The following NCK1 variants were observed in gnomAD, a reference collection of about 807,000 sequenced individuals.
NCK1 encodes NCK adaptor protein 1, also known as SH2/SH3 adapter protein NCK1.
NCK1 carries 19 observed loss-of-function variants against 36.6 expected under a neutral mutation model. That is an observed-to-expected ratio of 0.52 (90% CI 0.36 to 0.76). The LOEUF is 0.76. Ranked by LOEUF, NCK1 falls within the 30% of genes least tolerant of loss-of-function variation. The probability of loss-of-function intolerance (pLI) is 0.00; values close to 1 mark genes in which losing one functional copy is unlikely to be tolerated. For missense variants in NCK1, 358 were observed against 445.6 expected (o/e 0.80, Z 1.77); for synonymous variants, 165 against 156.0 (o/e 1.06, Z -0.43).
chr3:136,905,007 CTTTTTTTTTT>C (rs71304270), intron 1 of NCK1, among the ~76,000 whole-genome samples: 1 of 128,330 alleles, frequency 7.8e-6, no homozygotes, highest in Non-Finnish European at 1.6e-5. Context: ...TTGGTTTTTC[CTTTTTTTTTT>C]TTTTTTTCTT....
chr3:136,865,632 T>C (rs1218400709), intron 1 of NCK1, among the ~76,000 whole-genome samples: 1 of 152,224 alleles, frequency 6.6e-6, no homozygotes, highest in Non-Finnish European at 1.5e-5. Context: ...GTTCTTTATC[T>C]GCACTAGAAA....
At chr3:136,943,537 C>A (rs1448868682) in intron 2 of NCK1, among the ~76,000 whole-genome samples, 1 of 152,174 alleles carries the variant, frequency 6.6e-6, no homozygotes, top group African/African-American at 2.4e-5. Flanking sequence ...GTATGATTTC[C>A]TTGGAATAGA....
Position 136,927,996 on chromosome 3 carries a change from TGAAA to T in NCK1, c.-3_1del, listed in dbSNP as rs1441765188. On this transcript the variant is annotated 5_prime_UTR_variant, in exon 2 of 4. Coordinates refer to ENST00000481752, the MANE Select transcript of NCK1 (RefSeq NM_001291999.2). ...CATGTGTTTACAGTGCTGAAGCTGC[TGAAA>T]GATGGCAGAAGAAGTGGTGGTAGTA... 1 of 1,605,916 alleles carries T rather than the reference TGAAA, an allele frequency of 6.2e-7. No individual in the cohort carries two copies.
intron 1 of NCK1, among the ~76,000 whole-genome samples, chr3:136,921,862 C>T (rs1214961998): frequency 6.6e-6 from 1 of 152,248 alleles, no homozygotes; most frequent in Admixed American, 6.5e-5. Flanking sequence ...CAGCTCACTG[C>T]AGTCTCCGCC....
At chr3:136,905,253 C>G (rs952120631) in intron 1 of NCK1, among the ~76,000 whole-genome samples, 4 of 152,082 alleles carry the variant, frequency 2.6e-5, no homozygotes, top group Non-Finnish European at 2.9e-5. Flanking sequence ...AACTCCTGAC[C>G]TCCAGTGATT....
intron 1 of NCK1, among the ~76,000 whole-genome samples, chr3:136,868,194 G>A (rs1377954774): frequency 6.6e-6 from 1 of 152,104 alleles, no homozygotes; most frequent in African/African-American, 2.4e-5. Flanking sequence ...GGAATTACAG[G>A]CATGAGCCAC....
rs1354450183 is a variant in NCK1, at chr3:136,945,911, C to T, written c.555C>T (p.Asn185=). 6.2e-7 allele frequency: 1 copy of T among 1,614,072 alleles called. No individual in the cohort carries two copies. Among genetic ancestry groups the T allele is most frequent in the Non-Finnish European group, 8.5e-7 (1 of 1,180,002 alleles). ...AGAAATTAGCAGCAGTCGTCAATAA[C>T]CTAAATACTGGGCAAGTGTTGCATG... is the stretch of plus-strand genomic sequence containing the variant. ...LSEKLAAVVN[N]LNTGQVLHVV... is the part of the protein sequence containing the mutation. The change falls in exon 3 of 4, where the codon AAC becomes AAT. Residue 185 remains asparagine, a synonymous_variant. Coordinates refer to ENST00000481752, the MANE Select transcript of NCK1 (RefSeq NM_001291999.2).
At chr3:136,885,582 G>A (rs1939055851) in intron 1 of NCK1, among the ~76,000 whole-genome samples, 1 of 152,134 alleles carries the variant, frequency 6.6e-6, no homozygotes, top group African/African-American at 2.4e-5. Flanking sequence ...TGCAATTACA[G>A]GTGTGAGCCA....
At chr3:136,872,026 C>T (rs1202674535) in intron 1 of NCK1, among the ~76,000 whole-genome samples, 1 of 152,090 alleles carries the variant, frequency 6.6e-6, no homozygotes, top group Non-Finnish European at 1.5e-5. Flanking sequence ...CAGATTAATA[C>T]AGTAAATTGG....
chr3:136,891,450 T>C (rs1214897043), intron 1 of NCK1, among the ~76,000 whole-genome samples: 1 of 152,230 alleles, frequency 6.6e-6, no homozygotes, highest in Non-Finnish European at 1.5e-5. Flanking sequence ...ATGGACACTT[T>C]GGTTGCTTCC....
intron 1 of NCK1, among the ~76,000 whole-genome samples, chr3:136,876,172 A>G (rs1331601642): frequency 6.6e-6 from 1 of 152,158 alleles, no homozygotes; most frequent in Non-Finnish European, 1.5e-5. Flanking sequence ...AGGGAAATTT[A>G]TAGCACTAAA....
At chr3:136,885,910 CATA>C (rs1228752662) in intron 1 of NCK1, among the ~76,000 whole-genome samples, 1 of 152,126 alleles carries the variant, frequency 6.6e-6, no homozygotes, top group South Asian at 2.1e-4. Context: ...CTTCCATAGA[CATA>C]ATATTTATTT....
intron 2 of NCK1, among the ~76,000 whole-genome samples, chr3:136,939,347 G>C (rs1940611644): frequency 6.6e-6 from 1 of 151,934 alleles, no homozygotes; most frequent in Non-Finnish European, 1.5e-5. Context: ...TTATTTATTT[G>C]AGTGTCTCTC....
At chr3:136,928,326 G>A (rs150225257) in intron 2 of NCK1, 99 bp downstream of exon 2, 4 of 1,157,776 alleles carry the variant, frequency 3.5e-6, no homozygotes, top group Non-Finnish European at 4.8e-6. Flanking sequence ...TAATTGACTT[G>A]AAAAGGCAAG....
At chr3:136,936,741 G>T (rs1393284017) in intron 2 of NCK1, among the ~76,000 whole-genome samples, 2 of 152,134 alleles carry the variant, frequency 1.3e-5, no homozygotes, top group African/African-American at 4.8e-5. Flanking sequence ...TGATATTGAG[G>T]ATCTTTTCAT....
chr3:136,915,526 G>A (rs1401582742), intron 1 of NCK1, among the ~76,000 whole-genome samples: 1 of 152,172 alleles, frequency 6.6e-6, no homozygotes, highest in African/African-American at 2.4e-5. Context: ...GCTTGCATAG[G>A]CCAAAATGAT....
chr3:136,930,511 T>C, intron 2 of NCK1: 1 of 1,373,318 alleles, frequency 7.3e-7, no homozygotes, highest in Non-Finnish European at 9.4e-7. Flanking sequence ...CACTGAGAAT[T>C]ATCCTGAGCT....
chr3:136,904,675 G>T (rs917976426), intron 1 of NCK1, among the ~76,000 whole-genome samples: 1 of 152,172 alleles, frequency 6.6e-6, no homozygotes, highest in African/African-American at 2.4e-5. Flanking sequence ...TGAACTTGGT[G>T]TATCTGATGT....
intron 1 of NCK1, among the ~76,000 whole-genome samples, chr3:136,875,566 G>A (rs547042740): frequency 3.2e-3 from 488 of 152,274 alleles, no homozygotes; most frequent in Non-Finnish European, 4.7e-3. Flanking sequence ...AGGCCATTAT[G>A]TAATGGTAAA....
Sources: allele counts gnomAD v4.1 joint callset (sites outside exome capture counted in the v4.1 genomes callset), GRCh38; gene constraint gnomAD v4.1.1; transcripts MANE v1.5; gene names NCBI Gene and HGNC (gene_info 2026-07-23, HGNC 2026-07-21).